DHRS12: variants seen among roughly 807,000 people sequenced by gnomAD.
DHRS12 encodes dehydrogenase/reductase 12.
In DHRS12, 29 loss-of-function variants were observed where a neutral mutation model predicts 32.1. The ratio of observed to expected loss-of-function variants is 0.90; its 90% CI spans 0.67 to 1.23. The LOEUF is 1.23. Among genes scored for constraint, DHRS12 ranks in the 50% most tolerant of loss-of-function variants. DHRS12 has a pLI of 0.00. For synonymous variants in DHRS12, 150 were observed against 135.9 expected (o/e 1.10, Z -0.72); for missense variants, 330 against 337.2 (o/e 0.98, Z 0.17).
At chr13:51,758,871 A>G in the DHRS12 span, among the ~76,000 whole-genome samples, 1 of 152,182 alleles carries the variant, frequency 6.6e-6, no homozygotes, top group Non-Finnish European at 1.5e-5. Context: ...GATCTCCGTG[A>G]CTTTGAGAGG....
chr13:51,797,642 A>G (rs1222458168), intron 2 of DHRS12, among the ~76,000 whole-genome samples: 1 of 152,080 alleles, frequency 6.6e-6, no homozygotes, highest in East Asian at 1.9e-4. Context: ...GCCCCCACTT[A>G]TCCCCTTGTC....
At chr13:51,760,828 G>C in the DHRS12 span, 3 of 152,398 alleles carry the variant, frequency 2.0e-5, no homozygotes, top group Non-Finnish European at 4.4e-5. Flanking sequence ...CCGCTGATCT[G>C]ATGGGAGGCG....
At chr13:51,799,508 G>A in intron 2 of DHRS12, 26 bp downstream of exon 2, 1 of 1,611,768 alleles carries the variant, frequency 6.2e-7, no homozygotes. Context: ...GGGGCTCAGT[G>A]GACACACGTG....
At chr13:51,770,861 C>A (rs1214287780) in intron 7 of DHRS12, 11 of 1,109,676 alleles carry the variant, frequency 9.9e-6, no homozygotes, top group Non-Finnish European at 1.1e-5. Flanking sequence ...AGTCTTCAGC[C>A]CTGAACAGAT....
chr13:51,783,262 G>C (rs917847667), intron 4 of DHRS12, among the ~76,000 whole-genome samples: 1 of 152,112 alleles, frequency 6.6e-6, no homozygotes, highest in African/African-American at 2.4e-5. Flanking sequence ...AGGAGCTCCA[G>C]ACTCCACCAG....
At chr13:51,783,013 G>A (rs1263420566) in intron 4 of DHRS12, among the ~76,000 whole-genome samples, 1 of 152,198 alleles carries the variant, frequency 6.6e-6, no homozygotes, top group South Asian at 2.1e-4. Flanking sequence ...GAGCTGCCGA[G>A]AAGGAAGAGC....
chr13:51,771,833 C>G lies in DHRS12; in HGVS notation c.547G>C (p.Ala183Pro). ...GGCTATGACATACCTGGGGTGTCGG[C>G]CCAGCCAGGATGCATGGAAGAAAAA... The part of the protein sequence containing the change: ...IHFSSMHPGW[A>P]DTPGVRQAMP... The change falls in exon 7 of 9, where the codon GCC becomes CCC. Residue 183 changes from alanine to proline, a missense_variant. Coordinates refer to ENST00000444610, the MANE Select transcript of DHRS12 (RefSeq NM_001377533.1). The G allele has an allele frequency of 6.2e-7, 1 of 1,614,080 alleles. No individual in the cohort carries two copies. Among genetic ancestry groups the G allele is most frequent in the Non-Finnish European group, 8.5e-7 (1 of 1,179,984 alleles).
intron 2 of DHRS12, among the ~76,000 whole-genome samples, chr13:51,794,397 A>G (rs1382318193): frequency 6.6e-6 from 1 of 152,128 alleles, no homozygotes; most frequent in African/African-American, 2.4e-5. Context: ...GTTAAGTAGA[A>G]ATCATTCTGG....
chr13:51,767,676 A>C (rs1277391171), downstream of DHRS12: 4 of 154,428 alleles, frequency 2.6e-5, no homozygotes, highest in African/African-American at 9.7e-5. Flanking sequence ...AGCAAATGTA[A>C]ACTAGGCCTC....
chr13:51,784,797 G>A (rs79632455), intron 4 of DHRS12, among the ~76,000 whole-genome samples: 2,478 of 152,294 alleles, frequency 0.016, 67 homozygotes, highest in African/African-American at 0.056. Flanking sequence ...TCCCTTCATG[G>A]ATGAAAACAG....
chr13:51,769,354 C>G (rs1274611471), intron 7 of DHRS12, 61 bp from the exon 8 acceptor site: 2 of 1,252,642 alleles, frequency 1.6e-6, no homozygotes, highest in African/African-American at 1.6e-5. Flanking sequence ...TGGTTGACTT[C>G]CCTTAATTTA....
chr13:51,777,065 G>T lies in DHRS12; in HGVS notation c.358C>A (p.Arg120=), dbSNP rs745852267. The change falls in exon 5 of 9, where the codon CGA becomes AGA. Residue 120 remains arginine (R), a synonymous_variant. Transcript: ENST00000444610. ...IPVLEKEHDP[R]VITVSSGGML... is the part of the protein sequence containing the mutation. Reference sequence around the variant, plus strand: ...ATCCCATAAGGTCAACTCACCACTCGGGGGTCGTGTTCTTTCTCCAGCACA... The same window carrying T: ...ATCCCATAAGGTCAACTCACCACTCTGGGGTCGTGTTCTTTCTCCAGCACA... The T allele has an allele frequency of 2.0e-5, 32 of 1,613,974 alleles. No homozygotes were observed. In the Admixed American group the frequency reaches 3.0e-4, roughly 15 times the overall value.
chr13:51,788,473 G>T (rs182352850), intron 4 of DHRS12, among the ~76,000 whole-genome samples: 52 of 152,190 alleles, frequency 3.4e-4, no homozygotes, highest in African/African-American at 1.2e-3. Flanking sequence ...TTCTTTCCTT[G>T]AGAAGAGAGT....
intron 1 of DHRS12, among the ~76,000 whole-genome samples, chr13:51,801,126 T>A (rs1036853422): frequency 6.6e-6 from 1 of 152,188 alleles, no homozygotes; most frequent in Non-Finnish European, 1.5e-5. Context: ...CTAAATGAGA[T>A]GCCGCATCTA....
downstream of DHRS12, chr13:51,767,852 G>A (rs746947414): frequency 3.4e-6 from 1 of 297,686 alleles, no homozygotes; most frequent in Non-Finnish European, 5.2e-6. Flanking sequence ...GGGAAGTGGA[G>A]TTCACAGGGG....
At chr13:51,803,508 G>A (rs1955849230) in intron 1 of DHRS12, 1 of 152,296 alleles carries the variant, frequency 6.6e-6, no homozygotes, top group African/African-American at 2.4e-5. Flanking sequence ...AGGGCACACT[G>A]AGCGTGGTCA....
At chr13:51,797,876 C>A in intron 2 of DHRS12, 1 of 1,535,926 alleles carries the variant, frequency 6.5e-7, no homozygotes, top group South Asian at 1.2e-5. Flanking sequence ...TCTGCTGGGG[C>A]TTGATCTCGA....
At chr13:51,794,995 A>G (rs1173717352) in intron 2 of DHRS12, among the ~76,000 whole-genome samples, 2 of 152,178 alleles carry the variant, frequency 1.3e-5, no homozygotes, top group East Asian at 3.9e-4. Flanking sequence ...CCTTTCCCCA[A>G]GCTTAAGCCA....
At chr13:51,789,819 C>G (rs74803263) in intron 4 of DHRS12, 192 bp downstream of exon 4, 3 of 985,270 alleles carry the variant, frequency 3.0e-6, no homozygotes, top group Non-Finnish European at 2.4e-6. Flanking sequence ...GGCACCAACA[C>G]CTATTATAAG....
Sources: allele counts gnomAD v4.1 joint callset (sites outside exome capture counted in the v4.1 genomes callset), GRCh38; gene constraint gnomAD v4.1.1; transcripts MANE v1.5; gene names NCBI Gene and HGNC (gene_info 2026-07-23, HGNC 2026-07-21).